The following CLASP2 variants were observed in gnomAD, a reference collection of about 807,000 sequenced individuals.
CLASP2 encodes cytoplasmic linker associated protein 2, also known as CLIP-associating protein 2.
CLASP2 carries 47 observed loss-of-function variants against 194.4 expected under a neutral mutation model. That is an observed-to-expected ratio of 0.24 (90% CI 0.19 to 0.31). The LOEUF (loss-of-function observed/expected upper bound fraction) is 0.31. Among genes scored for constraint, CLASP2 ranks in the 10% least tolerant of loss-of-function variants. The pLI, the probability that CLASP2 is intolerant of heterozygous loss-of-function variation, is 1.00. For synonymous variants in CLASP2, 619 were observed against 633.5 expected (o/e 0.98, Z 0.34); for missense variants, 1,445 against 1,823.6 (o/e 0.79, Z 3.78).
intron 7 of CLASP2, among the ~76,000 whole-genome samples, chr3:33,652,974 A>T (rs1435053376): frequency 1.3e-5 from 2 of 152,190 alleles, no homozygotes; most frequent in African/African-American, 4.8e-5. Flanking sequence ...TGCCTATACT[A>T]CTACCAGAGC....
chr3:33,717,685 A>G, intron 1 of CLASP2, 123 bp downstream of exon 1: 2 of 1,071,898 alleles, frequency 1.9e-6, no homozygotes, highest in Non-Finnish European at 2.7e-6. Context: ...TGTGCTTCCC[A>G]AAGTGTGTTT....
chr3:33,679,935 A>AT (rs34665932), intron 6 of CLASP2, among the ~76,000 whole-genome samples: 1 of 152,170 alleles, frequency 6.6e-6, no homozygotes, highest in African/African-American at 2.4e-5. Flanking sequence ...GCAAACTCAC[A>AT]TTTTTAGCAG....
chr3:33,503,782 C>T (rs949628950), intron 37 of CLASP2: 1 of 152,116 alleles, frequency 6.6e-6, no homozygotes, highest in African/African-American at 2.4e-5. Flanking sequence ...AGCTGTACCA[C>T]CAATTTGTAT....
At chr3:33,570,027 A>G (rs2063457621) in intron 26 of CLASP2, among the ~76,000 whole-genome samples, 1 of 152,206 alleles carries the variant, frequency 6.6e-6, no homozygotes, top group Non-Finnish European at 1.5e-5. Flanking sequence ...AGTCTCCTGT[A>G]GACATTTGGT....
At chr3:33,632,601 T>C (rs916155295) in intron 8 of CLASP2, among the ~76,000 whole-genome samples, 2 of 146,354 alleles carry the variant, frequency 1.4e-5, no homozygotes, top group African/African-American at 2.5e-5. Context: ...ATATTCAAAC[T>C]GTTAAGAACA....
chr3:33,676,505 G>A (rs1221629279), intron 6 of CLASP2, among the ~76,000 whole-genome samples: 13 of 150,726 alleles, frequency 8.6e-5, no homozygotes, highest in Admixed American at 8.6e-4. Flanking sequence ...GCCATATGGA[G>A]AAAGCTGAAA....
intron 6 of CLASP2, among the ~76,000 whole-genome samples, chr3:33,671,525 G>A (rs754706342): frequency 4.6e-5 from 7 of 152,156 alleles, no homozygotes; most frequent in Non-Finnish European, 8.8e-5. Context: ...CCAGAAGACA[G>A]GTGATTTCTG....
At chr3:33,540,109 T>G (rs1371021497) in intron 32 of CLASP2, among the ~76,000 whole-genome samples, 1 of 151,956 alleles carries the variant, frequency 6.6e-6, no homozygotes, top group African/African-American at 2.4e-5. Flanking sequence ...TTTGTATTTT[T>G]AGTAGAGATG....
intron 36 of CLASP2, among the ~76,000 whole-genome samples, chr3:33,514,189 T>C (rs2154096943): frequency 6.6e-6 from 1 of 152,250 alleles, no homozygotes; most frequent in African/African-American, 2.4e-5. Flanking sequence ...GGTTTTGCCA[T>C]GTTGGTCAGG....
At chr3:33,652,261 A>G (rs1209693351) in intron 7 of CLASP2, among the ~76,000 whole-genome samples, 1 of 152,222 alleles carries the variant, frequency 6.6e-6, no homozygotes, top group Non-Finnish European at 1.5e-5. Flanking sequence ...AATTAAAACA[A>G]TGAACAACAA....
At chr3:33,577,271 T>TA in intron 23 of CLASP2, 1 of 1,597,490 alleles carries the variant, frequency 6.3e-7, no homozygotes, top group Non-Finnish European at 8.5e-7. Flanking sequence ...GAGGCTGGAA[T>TA]AACAGGACCA....
At chr3:33,685,578 G>A (rs561694134) in intron 5 of CLASP2, among the ~76,000 whole-genome samples, 8 of 152,028 alleles carry the variant, frequency 5.3e-5, no homozygotes, top group Middle Eastern at 3.4e-3. Context: ...CAGATAAATG[G>A]ATAAACCAAA....
chr3:33,601,125 GT>G (rs1199217585), intron 18 of CLASP2, among the ~76,000 whole-genome samples: 1 of 151,270 alleles, frequency 6.6e-6, no homozygotes, highest in Admixed American at 6.6e-5. Flanking sequence ...CGCCCGGCTA[GT>G]TTTTTTTGTA....
At chr3:33,642,647 T>C (rs2081518526) in intron 8 of CLASP2, among the ~76,000 whole-genome samples, 1 of 151,856 alleles carries the variant, frequency 6.6e-6, no homozygotes, top group African/African-American at 2.4e-5. Context: ...ACTCAAAAAT[T>C]CTACAACTCT....
intron 32 of CLASP2, among the ~76,000 whole-genome samples, chr3:33,541,138 T>C (rs2058284410): frequency 6.6e-6 from 1 of 152,186 alleles, no homozygotes; most frequent in Non-Finnish European, 1.5e-5. Flanking sequence ...ATCCCACTAC[T>C]GGGTATATAC....
intron 33 of CLASP2, among the ~76,000 whole-genome samples, chr3:33,536,918 A>G (rs1311429520): frequency 1.3e-5 from 2 of 152,206 alleles, no homozygotes; most frequent in Admixed American, 1.3e-4. Context: ...GATAGGAAAG[A>G]GCAGCTTTAG....
intron 10 of CLASP2, among the ~76,000 whole-genome samples, chr3:33,625,390 T>A (rs1434485689): frequency 6.6e-6 from 1 of 151,854 alleles, no homozygotes; most frequent in East Asian, 1.9e-4. Flanking sequence ...ACATTACATG[T>A]ATATATATTA....
chr3:33,594,012 T>C (rs2069536540), intron 20 of CLASP2, among the ~76,000 whole-genome samples: 1 of 152,080 alleles, frequency 6.6e-6, no homozygotes, highest in Admixed American at 6.6e-5. Context: ...CCCAGCTAAA[T>C]TTAAAATTTT....
intron 26 of CLASP2, among the ~76,000 whole-genome samples, chr3:33,568,609 T>C (rs2063211195): frequency 6.8e-6 from 1 of 147,410 alleles, no homozygotes; most frequent in Non-Finnish European, 1.5e-5. Context: ...CATTTTAATG[T>C]TCATAAATAA....
Sources: gnomAD v4.1 joint callset for allele counts (sites outside exome capture counted in the v4.1 genomes callset) on GRCh38, gnomAD v4.1.1 for gene constraint, MANE v1.5 for transcripts, NCBI Gene and HGNC (gene_info 2026-07-23, HGNC 2026-07-21) for gene names.